ANO3: variants seen among roughly 807,000 people sequenced by gnomAD.
The protein encoded by ANO3 is anoctamin 3, also known as anoctamin-3.
A neutral mutation model predicts 144.8 loss-of-function variants in ANO3; 99 were observed. The observed-to-expected ratio is 0.68, with a 90% CI of 0.58 to 0.81. The LOEUF is 0.81. Among genes scored for constraint, ANO3 ranks in the 30% least tolerant of loss-of-function variants. The probability of loss-of-function intolerance (pLI) is 0.00; values close to 1 mark genes in which losing one functional copy is unlikely to be tolerated. For missense variants in ANO3, 905 were observed against 1,202.2 expected (o/e 0.75, Z 3.66); for synonymous variants, 414 against 392.6 (o/e 1.05, Z -0.64).
intron 4 of ANO3, among the ~76,000 whole-genome samples, chr11:26,505,790 G>A (rs968725857): frequency 1.3e-5 from 2 of 151,970 alleles, no homozygotes; most frequent in Non-Finnish European, 2.9e-5. Context: ...GGCTAACATG[G>A]TGAGACCTCA....
chr11:26,577,439 T>C (rs903041773), intron 14 of ANO3, among the ~76,000 whole-genome samples: 2 of 152,040 alleles, frequency 1.3e-5, no homozygotes, highest in Admixed American at 6.5e-5. Flanking sequence ...GGCAGATGCC[T>C]GTAATCCCAG....
At chr11:26,429,485 A>G (rs1329285818) in intron 1 of ANO3, among the ~76,000 whole-genome samples, 1 of 150,638 alleles carries the variant, frequency 6.6e-6, no homozygotes, top group Non-Finnish European at 1.5e-5. Context: ...CATATCATGT[A>G]GAGAATGAAG....
intron 1 of ANO3, among the ~76,000 whole-genome samples, chr11:26,363,595 T>C (rs1419292189): frequency 6.6e-6 from 1 of 152,168 alleles, no homozygotes; most frequent in African/African-American, 2.4e-5. Context: ...TTAAAGGGCA[T>C]ATCTCCAAGT....
intron 14 of ANO3, among the ~76,000 whole-genome samples, chr11:26,573,876 A>G (rs977060694): frequency 1.3e-5 from 2 of 152,202 alleles, no homozygotes; most frequent in Non-Finnish European, 2.9e-5. Flanking sequence ...TTAATGCCTC[A>G]GTTGTTACTT....
chr11:26,449,867 G>C (rs1415460271), intron 3 of ANO3, among the ~76,000 whole-genome samples: 1 of 151,820 alleles, frequency 6.6e-6, no homozygotes, highest in East Asian at 1.9e-4. Flanking sequence ...CAATTCTCCT[G>C]CCTCAGCCTC....
chr11:26,590,702 T>C (rs995663465), intron 14 of ANO3, among the ~76,000 whole-genome samples: 37 of 152,294 alleles, frequency 2.4e-4, no homozygotes, highest in African/African-American at 7.2e-4. Flanking sequence ...GTGGGAACAA[T>C]GACAAGCCTC....
intron 1 of ANO3, among the ~76,000 whole-genome samples, chr11:26,268,589 T>C (rs1853366324): frequency 6.6e-6 from 1 of 152,192 alleles, no homozygotes; most frequent in Non-Finnish European, 1.5e-5. Context: ...CACGTGTGTA[T>C]AATACTTACT....
intron 1 of ANO3, among the ~76,000 whole-genome samples, chr11:26,369,047 A>G (rs1856175025): frequency 6.6e-6 from 1 of 152,074 alleles, no homozygotes; most frequent in Non-Finnish European, 1.5e-5. Context: ...GTCTATATTC[A>G]TAAGAACAAA....
intron 10 of ANO3, 41 bp downstream of exon 10, chr11:26,537,502 T>G (rs1287259791): frequency 1.3e-6 from 2 of 1,487,676 alleles, no homozygotes; most frequent in Non-Finnish European, 1.9e-6. Flanking sequence ...AACAAGGTTT[T>G]CATGCTCAAT....
chr11:26,617,330 A>G (rs545945697), intron 17 of ANO3, among the ~76,000 whole-genome samples: 1 of 152,304 alleles, frequency 6.6e-6, no homozygotes, highest in Non-Finnish European at 1.5e-5. Context: ...TATGTGTTTA[A>G]TGAGGCTTAA....
intron 3 of ANO3, among the ~76,000 whole-genome samples, chr11:26,459,715 T>C (rs930025819): frequency 1.3e-5 from 2 of 152,076 alleles, no homozygotes; most frequent in African/African-American, 4.8e-5. Flanking sequence ...ATTAGTGGTA[T>C]GTGCTGAAGA....
At chr11:26,516,372 G>A (rs1337658780) in intron 5 of ANO3, among the ~76,000 whole-genome samples, 2 of 151,484 alleles carry the variant, frequency 1.3e-5, no homozygotes, top group Admixed American at 6.6e-5. Context: ...ACAGGACCAA[G>A]CACATAGTTT....
At chr11:26,359,109 A>C (rs1033260357) in intron 1 of ANO3, among the ~76,000 whole-genome samples, 11 of 152,198 alleles carry the variant, frequency 7.2e-5, no homozygotes, top group African/African-American at 2.4e-4. Context: ...AATGTCTAAA[A>C]ATTTTATATT....
At chr11:26,199,565 G>T (rs1214360033) in intron 1 of ANO3, among the ~76,000 whole-genome samples, 2 of 152,130 alleles carry the variant, frequency 1.3e-5, no homozygotes, top group Admixed American at 6.5e-5. Context: ...TAACCATCTG[G>T]TTAGGAACTG....
In ANO3 at chr11:26,635,167, C is replaced by G. The variant is rs10835033; in HGVS notation, c.2043+97C>G. Reference sequence around the variant, plus strand: ...CTGAAGAAAGGAGAAGTTCAGGGAACTTTATGGATATTGAAGACGACACAT... The same window carrying G: ...CTGAAGAAAGGAGAAGTTCAGGGAAGTTTATGGATATTGAAGACGACACAT... On this transcript the variant is annotated intron_variant, in intron 20 of 26. Transcript: ENST00000256737. 0.39 allele frequency: 424,429 copies of G among 1,085,110 alleles called. 85,822 individuals are homozygous for G. Among genetic ancestry groups the G allele is most frequent in the South Asian group, 0.48 (32,516 of 68,306 alleles). The allele number at this position is 1,085,110 out of a possible 1,614,324, so 67.2% of individuals were successfully genotyped here. A position where few individuals can be genotyped will look rare whatever the true frequency, so the allele number is the denominator to read the frequency against.
intron 1 of ANO3, among the ~76,000 whole-genome samples, chr11:26,203,610 G>T (rs1851739261): frequency 6.6e-6 from 1 of 152,118 alleles, no homozygotes; most frequent in South Asian, 2.1e-4. Context: ...AACAATGGTT[G>T]TTTGTACAGA....
chr11:26,634,966 C>T, intron 19 of ANO3, 47 bp from the exon 20 acceptor site: 6 of 1,497,724 alleles, frequency 4.0e-6, no homozygotes, highest in Non-Finnish European at 5.6e-6. Flanking sequence ...AGATGTTCTT[C>T]AGTGAACCCC....
intron 12 of ANO3, among the ~76,000 whole-genome samples, chr11:26,551,931 G>A (rs897190313): frequency 2.8e-4 from 42 of 151,934 alleles, no homozygotes; most frequent in African/African-American, 9.4e-4. Flanking sequence ...TTTCATCATC[G>A]TGATCACTAA....
intron 18 of ANO3, among the ~76,000 whole-genome samples, chr11:26,631,183 G>A (rs946909081): frequency 4.0e-5 from 6 of 151,736 alleles, no homozygotes; most frequent in Middle Eastern, 3.2e-3. Flanking sequence ...TTGGGGTGGT[G>A]GAGTCTTCTC....
Sources: gnomAD v4.1 joint callset for allele counts (sites outside exome capture counted in the v4.1 genomes callset) on GRCh38, gnomAD v4.1.1 for gene constraint, MANE v1.5 for transcripts, NCBI Gene and HGNC (gene_info 2026-07-23, HGNC 2026-07-21) for gene names.